Variants in CAMK4 observed in about 807,000 individuals in gnomAD.
CAMK4 encodes calcium/calmodulin-dependent protein kinase type IV.
Under a neutral mutation model 44.9 loss-of-function variants are expected in CAMK4, and 22 were observed. The observed-to-expected ratio is 0.49, with a 90% confidence interval of 0.35 to 0.70. CAMK4 has a LOEUF of 0.70. Ranked by LOEUF, CAMK4 falls within the 30% of genes least tolerant of loss-of-function variation. The pLI, the probability that CAMK4 is intolerant of heterozygous loss-of-function variation, is 0.01. For synonymous variants in CAMK4, 218 were observed against 215.4 expected, an observed-to-expected ratio of 1.01 and a Z score of -0.11; for missense variants, 498 against 586.8, an observed-to-expected ratio of 0.85 and a Z score of 1.56.
intron 2 of CAMK4, among the ~76,000 whole-genome samples, chr5:111,347,631 G>T (rs1749922881): frequency 6.6e-6 from 1 of 151,806 alleles, no homozygotes; most frequent in Non-Finnish European, 1.5e-5. Flanking sequence ...TCTTCTCCCT[G>T]TGTGTCTTTA....
intron 4 of CAMK4, among the ~76,000 whole-genome samples, chr5:111,393,204 T>C (rs1354442285): frequency 6.6e-6 from 1 of 152,206 alleles, no homozygotes; most frequent in Non-Finnish European, 1.5e-5. Flanking sequence ...GATAATCAAT[T>C]ACTGTTATTG....
At chr5:111,336,757 T>C (rs2112735788) in intron 1 of CAMK4, among the ~76,000 whole-genome samples, 1 of 151,350 alleles carries the variant, frequency 6.6e-6, no homozygotes, top group African/African-American at 2.4e-5. Flanking sequence ...TTTTCAATTT[T>C]ATTTTCCATA....
chr5:111,416,252 A>G (rs1192513962), intron 5 of CAMK4, among the ~76,000 whole-genome samples: 2 of 152,128 alleles, frequency 1.3e-5, no homozygotes, highest in African/African-American at 4.8e-5. Flanking sequence ...ACATGCACAT[A>G]TATAAACACA....
At chr5:111,435,180 C>G (rs1339252408) in intron 5 of CAMK4, among the ~76,000 whole-genome samples, 1 of 151,936 alleles carries the variant, frequency 6.6e-6, no homozygotes, top group Non-Finnish European at 1.5e-5. Context: ...AAGATTGGAG[C>G]TTTTATATTT....
At chr5:111,249,391 A>G (rs909678751) in intron 1 of CAMK4, among the ~76,000 whole-genome samples, 1 of 151,736 alleles carries the variant, frequency 6.6e-6, no homozygotes, top group Non-Finnish European at 1.5e-5. Context: ...AATATAATCT[A>G]AATGTTCTAG....
intron 1 of CAMK4, among the ~76,000 whole-genome samples, chr5:111,324,148 G>A (rs1387553091): frequency 1.3e-5 from 2 of 151,828 alleles, no homozygotes. Flanking sequence ...TAATCCAAAT[G>A]ATAGCAGGAA....
Position 111,486,719 on chromosome 5 carries a change from A to G in CAMK4, c.*2253A>G, listed in dbSNP as rs1448161784. 6.6e-6 allele frequency: 1 copy of G among 152,180 alleles called. No individual in the cohort carries two copies. The highest frequency in any genetic ancestry group is 1.5e-5 in the Non-Finnish European group (1 of 68,036). The allele number at this position is 152,180 out of a possible 1,614,324, so 9.4% of individuals were successfully genotyped here. A position where few individuals can be genotyped will look rare whatever the true frequency, so the allele number is the denominator to read the frequency against. ...ACTGCATTGTTTGGCCCTGAGAACTATAGAAACAACGTTGCAAATACCATG... is the reference window on the plus strand; with the variant it reads ...ACTGCATTGTTTGGCCCTGAGAACTGTAGAAACAACGTTGCAAATACCATG... On this transcript the variant is annotated 3_prime_UTR_variant, in exon 11 of 11. Coordinates refer to ENST00000282356, the MANE Select transcript of CAMK4 (RefSeq NM_001744.6).
At chr5:111,480,778 C>G (rs1178705515) in intron 9 of CAMK4, among the ~76,000 whole-genome samples, 1 of 152,272 alleles carries the variant, frequency 6.6e-6, no homozygotes, top group East Asian at 1.9e-4. Flanking sequence ...CTAATATCAA[C>G]TAACTTAATA....
intron 4 of CAMK4, among the ~76,000 whole-genome samples, chr5:111,377,741 A>G (rs1463806230): frequency 6.6e-6 from 1 of 152,116 alleles, no homozygotes; most frequent in African/African-American, 2.4e-5. Flanking sequence ...AAGTAGGCAT[A>G]TATTAGAAAT....
intron 4 of CAMK4, among the ~76,000 whole-genome samples, chr5:111,381,691 A>G (rs1368617999): frequency 1.3e-5 from 2 of 152,184 alleles, no homozygotes; most frequent in East Asian, 1.9e-4. Flanking sequence ...TTGACACTCA[A>G]TATTACCATC....
chr5:111,440,994 A>G (rs903931282), intron 5 of CAMK4, among the ~76,000 whole-genome samples: 8 of 152,176 alleles, frequency 5.3e-5, no homozygotes, highest in African/African-American at 1.9e-4. Flanking sequence ...TCCCACTACA[A>G]TCTGCAAAGT....
At chr5:111,267,768 G>A (rs1445225642) in intron 1 of CAMK4, among the ~76,000 whole-genome samples, 1 of 145,890 alleles carries the variant, frequency 6.9e-6, no homozygotes, top group East Asian at 2.0e-4. Flanking sequence ...GATAGAATTA[G>A]AATATCCCAC....
chr5:111,426,192 C>T (rs934252092), intron 5 of CAMK4, among the ~76,000 whole-genome samples: 1 of 152,048 alleles, frequency 6.6e-6, no homozygotes, highest in African/African-American at 2.4e-5. Flanking sequence ...TTTGAGATCT[C>T]ACATAAGCAA....
chr5:111,460,265 C>CTTTTTTTTTTTT lies in CAMK4; in HGVS notation c.625+11067_625+11068insTTTTTTTTTTTT, dbSNP rs200566906. 2.8e-4 allele frequency among the ~76,000 whole-genome samples: 34 copies of CTTTTTTTTTTTT among 122,704 alleles called. 1 individual carries two copies. Among genetic ancestry groups the CTTTTTTTTTTTT allele is most frequent in the East Asian group, 4.5e-4 (2 of 4,480 alleles). 80.5% of individuals were successfully genotyped at this position (122,704 alleles called of 152,430 possible). ...TAATGTTTTTCTTTTCTTTTCTTTT[C>CTTTTTTTTTTTT]TTTTTCTTTTTTTTTTTTTTGAGGC... On this transcript the variant is annotated intron_variant, in intron 7 of 10. Transcript: ENST00000282356.
rs75194288 is a variant in CAMK4, at chr5:111,264,545, C to G, written c.161+39901C>G. Among the ~76,000 whole-genome samples, 684 of 152,266 alleles carry G rather than the reference C, an allele frequency of 4.5e-3. 5 individuals carry two copies. Among genetic ancestry groups the G allele is most frequent in the African/African-American group, 0.016 (645 of 41,534 alleles). Reference sequence around the variant, plus strand: ...TGTCGTTTGTCAGTGCTTTGAGAGTCTTATTCACTGCACTAAATCTATTGT... The same window carrying G: ...TGTCGTTTGTCAGTGCTTTGAGAGTGTTATTCACTGCACTAAATCTATTGT... On this transcript the variant is annotated intron_variant, in intron 1 of 10. Coordinates refer to ENST00000282356, the MANE Select transcript of CAMK4 (RefSeq NM_001744.6).
chr5:111,396,469 T>TCA (rs1204087099), intron 5 of CAMK4, among the ~76,000 whole-genome samples: 3 of 152,036 alleles, frequency 2.0e-5, no homozygotes, highest in African/African-American at 7.2e-5. Flanking sequence ...GTAATGGGTT[T>TCA]CAACTCTTCC....
At chr5:111,383,479 C>A (rs1490738805) in intron 4 of CAMK4, among the ~76,000 whole-genome samples, 1 of 152,074 alleles carries the variant, frequency 6.6e-6, no homozygotes, top group East Asian at 1.9e-4. Context: ...AGACAAAGGG[C>A]CTTATTACTC....
chr5:111,320,964 A>G lies in CAMK4; in HGVS notation c.162-23060A>G, dbSNP rs186626585. 1.4e-3 allele frequency among the ~76,000 whole-genome samples: 211 copies of G among 152,324 alleles called. 1 individual carries two copies. The highest frequency in any genetic ancestry group is 4.6e-3 in the Admixed American group (70 of 15,302). On this transcript the variant is annotated intron_variant, in intron 1 of 10. Transcript: ENST00000282356. ...TGATCATAGCATAATGACATTTCCT[A>G]ATATCAACATTGTCTGATTTGTGAA...
chr5:111,339,583 A>T (rs1369858504), intron 1 of CAMK4, among the ~76,000 whole-genome samples: 1 of 151,298 alleles, frequency 6.6e-6, no homozygotes, highest in African/African-American at 2.4e-5. Flanking sequence ...CCATTGCTCT[A>T]TGTGTTTATT....
Sources: gnomAD v4.1 joint callset for allele counts (sites outside exome capture counted in the v4.1 genomes callset) on GRCh38, gnomAD v4.1.1 for gene constraint, MANE v1.5 for transcripts, NCBI Gene and HGNC (gene_info 2026-07-23, HGNC 2026-07-21) for gene names.